The following TBX4 variants were observed in gnomAD, a reference collection of about 807,000 sequenced individuals.
TBX4 encodes T-box transcription factor 4.
Under a neutral mutation model 54.6 loss-of-function variants are expected in TBX4, and 13 were observed. That is an observed-to-expected ratio of 0.24 (90% CI 0.15 to 0.38). The LOEUF (loss-of-function observed/expected upper bound fraction) is 0.38. TBX4 is among the 10% of genes least tolerant of loss of function. The pLI, the probability that TBX4 is intolerant of heterozygous loss-of-function variation, is 1.00. For synonymous variants in TBX4, 314 were observed against 306.7 expected (o/e 1.02, Z -0.25); for missense variants, 631 against 728.5 (o/e 0.87, Z 1.54).
At chr17:61,477,002 C>T (rs911591675) in intron 5 of TBX4, among the ~76,000 whole-genome samples, 4 of 152,258 alleles carry the variant, frequency 2.6e-5, no homozygotes, top group African/African-American at 9.6e-5. Context: ...TCTCTTGGCA[C>T]TCTGGTCACT....
rs2060545848 is a variant in TBX4, at chr17:61,467,630, A to G, written c.522A>G (p.Thr174=). ...TCTCCTTCCAGAAGCTGAAGCTGAC[A>G]AACAACCACCTGGACCCCTTTGGCC... ...QLVSFQKLKL[T]NNHLDPFGHI... Residue 174 remains threonine, a synonymous_variant, in exon 5 of 9, where the codon ACA becomes ACG. Transcript: ENST00000644296. The G allele has an allele frequency of 6.2e-7, 1 of 1,614,080 alleles. No individual in the cohort carries two copies. The highest frequency in any genetic ancestry group is 1.7e-5 in the Admixed American group (1 of 60,002).
rs373034592 is a variant in TBX4, at chr17:61,479,602, G to T, written c.703-279G>T. The stretch of plus-strand genomic sequence containing the variant: ...AGGAGAAAGAATCAGAGGGTGGAGA[G>T]CAAGGAGTAGGGAGCCAGGGACAAA... On this transcript the variant is annotated intron_variant, in intron 6 of 8. Coordinates refer to ENST00000644296, the MANE Select transcript of TBX4 (RefSeq NM_001321120.2). The surrounding 1 kb of genome is among the most constrained non-coding windows in gnomAD (Gnocchi z 6.1). 6.6e-6 allele frequency among the ~76,000 whole-genome samples: 1 copy of T among 152,112 alleles called. No homozygotes were observed.
Position 61,474,848 on chromosome 17 carries a change from G to A in TBX4, c.550-3779G>A, listed in dbSNP as rs1039407347. Among the ~76,000 whole-genome samples the A allele has an allele frequency of 9.2e-5, 14 of 152,194 alleles. No individual in the cohort carries two copies. The highest frequency in any genetic ancestry group is 3.4e-4 in the African/African-American group (14 of 41,444). On this transcript the variant is annotated intron_variant, in intron 5 of 8. Transcript: ENST00000644296. The surrounding 1 kb of genome is among the most constrained non-coding windows in gnomAD (Gnocchi z 4.6). Reference sequence around the variant, plus strand: ...TGGTTTCACATTCTCCCGGCTGATGGGACTAAGGCTCAAGTTTATACTTGT... The same window carrying A: ...TGGTTTCACATTCTCCCGGCTGATGAGACTAAGGCTCAAGTTTATACTTGT...
chr17:61,454,289 C>G (rs2060431917), intron 1 of TBX4, among the ~76,000 whole-genome samples: 1 of 152,254 alleles, frequency 6.6e-6, no homozygotes, highest in South Asian at 2.1e-4. Context: ...AAACATATCC[C>G]CAGTAACCTA....
At position 61,462,628 on chromosome 17, in the gene TBX4, G is replaced by A. The variant is rs2060504688; in HGVS notation, c.282-3191G>A. The stretch of plus-strand genomic sequence containing the variant: ...GGTAGAGCGCAGAGTGCCCGGGACA[G>A]GCGGGCTTCACCGCCAGCGCTGGTG... On this transcript the variant is annotated intron_variant, in intron 3 of 8. Coordinates refer to ENST00000644296, the MANE Select transcript of TBX4 (RefSeq NM_001321120.2). The surrounding 1 kb of genome is among the most constrained non-coding windows in gnomAD (Gnocchi z 4.5). Among the ~76,000 whole-genome samples the A allele has an allele frequency of 6.6e-6, 1 of 152,194 alleles. No individual in the cohort carries two copies. Among genetic ancestry groups the A allele is most frequent in the Non-Finnish European group, 1.5e-5 (1 of 68,024 alleles).
In TBX4 at chr17:61,476,028, G is replaced by A. The variant is rs1777693847; in HGVS notation, c.550-2599G>A. Among the ~76,000 whole-genome samples, 1 of 152,158 alleles carries A rather than the reference G, an allele frequency of 6.6e-6. No individual in the cohort carries two copies. Among genetic ancestry groups the A allele is most frequent in the South Asian group, 2.1e-4 (1 of 4,828 alleles). On this transcript the variant is annotated intron_variant, in intron 5 of 8. Coordinates refer to ENST00000644296, the MANE Select transcript of TBX4 (RefSeq NM_001321120.2). This position sits in a 1 kb window ranked among gnomAD's most constrained non-coding sequence, Gnocchi z 6.5. Reference sequence around the variant, plus strand: ...ACGTTCCCACGGAGGGTTTGTGGTCGTGGCCCAGATCTTCCCACTCTCAAA... The same window carrying A: ...ACGTTCCCACGGAGGGTTTGTGGTCATGGCCCAGATCTTCCCACTCTCAAA...
rs1033870266 is a variant in TBX4 at position 61,459,637 on chromosome 17, C to T, written c.281+2006C>T. On this transcript the variant is annotated intron_variant, in intron 3 of 8. Coordinates refer to ENST00000644296, the MANE Select transcript of TBX4 (RefSeq NM_001321120.2). The surrounding 1 kb of genome is among the most constrained non-coding windows in gnomAD (Gnocchi z 4.8). The stretch of plus-strand genomic sequence containing the variant: ...CCCAACACATACACTTATACACATA[C>T]TTCCATAGGTGGCCAGCTTCAGGCA... Among the ~76,000 whole-genome samples the T allele has an allele frequency of 6.6e-6, 1 of 152,216 alleles. No individual in the cohort carries two copies. The highest frequency in any genetic ancestry group is 2.4e-5 in the African/African-American group (1 of 41,442).
In TBX4 at chr17:61,478,735, C is replaced by A. The variant is rs752732593; in HGVS notation, c.658C>A (p.Pro220Thr). The A allele has an allele frequency of 1.7e-5, 28 of 1,614,184 alleles. No individual in the cohort carries two copies. Among genetic ancestry groups the A allele is most frequent in the Non-Finnish European group, 2.3e-5 (27 of 1,180,032 alleles). ...CACTGCTTTCTGCACCCACGTGTTC[C>A]CAGAGACCTCCTTCATCTCTGTGAC... The part of the protein sequence containing the change: ...KNTAFCTHVF[P>T]ETSFISVTSY... The change falls in exon 6 of 9, where the codon CCA becomes ACA. Residue 220 changes from proline to threonine, a missense_variant. By Grantham distance (38) the Pro-to-Thr change is conservative. Coordinates refer to ENST00000644296, the MANE Select transcript of TBX4 (RefSeq NM_001321120.2). This position sits in a 1 kb window ranked among gnomAD's most constrained non-coding sequence, Gnocchi z 7.4.
In TBX4 at chr17:61,479,977, T is replaced by C. The variant is rs2060651612; in HGVS notation, c.791+8T>C. 1 of 1,613,706 alleles carries C rather than the reference T, an allele frequency of 6.2e-7. No homozygotes were observed. Among genetic ancestry groups the C allele is most frequent in the African/African-American group, 1.3e-5 (1 of 74,822 alleles). ...TGTGGCCCGACTGCAGAGGTGGGGC[T>C]GCGTAGCCTGGGGGTGGGGCGGGCA... is the stretch of plus-strand genomic sequence containing the variant. On this transcript the variant is annotated splice_region_variant and intron_variant, in intron 7 of 8. Transcript: ENST00000644296. This position sits in a 1 kb window ranked among gnomAD's most constrained non-coding sequence, Gnocchi z 6.1.
In TBX4 at chr17:61,461,391, C is replaced by T. The variant is rs2060493247; in HGVS notation, c.281+3760C>T. Among the ~76,000 whole-genome samples the T allele has an allele frequency of 6.6e-6, 1 of 152,172 alleles. No individual in the cohort carries two copies. Among genetic ancestry groups the T allele is most frequent in the Non-Finnish European group, 1.5e-5 (1 of 68,038 alleles). ...TGTAGGTGGCACCAGCAGCCCCACTCCTAACCCCAGCCTTGGATGCTGGGC... is the reference window on the plus strand; with the variant it reads ...TGTAGGTGGCACCAGCAGCCCCACTTCTAACCCCAGCCTTGGATGCTGGGC... On this transcript the variant is annotated intron_variant, in intron 3 of 8. Coordinates refer to ENST00000644296, the MANE Select transcript of TBX4 (RefSeq NM_001321120.2). This position sits in a 1 kb window ranked among gnomAD's most constrained non-coding sequence, Gnocchi z 5.1.
chr17:61,478,650 G>T lies in TBX4; in HGVS notation c.573G>T (p.Lys191Asn), dbSNP rs199562610. ...AGATCATCCTCAACTCTATGCACAA[G>T]TACCAGCCGCGGCTCCACATCGTTA... The part of the protein sequence containing the change: ...FGHIILNSMH[K>N]YQPRLHIVKA... The change falls in exon 6 of 9, where the codon AAG becomes AAT. Residue 191 changes from lysine (K) to asparagine (N), a missense_variant. Physicochemically the swap from Lys to Asn is moderately conservative, Grantham distance 94. This residue lies in a region of TBX4 where 154 missense variants were observed against 238.6 expected (regional missense o/e 0.65). Transcript: ENST00000644296. The surrounding 1 kb of genome is among the most constrained non-coding windows in gnomAD (Gnocchi z 7.4). 7 of 1,614,098 alleles carry T rather than the reference G, an allele frequency of 4.3e-6. No homozygotes were observed. The highest frequency in any genetic ancestry group is 2.2e-5 in the South Asian group (2 of 91,092).
intron 5 of TBX4, among the ~76,000 whole-genome samples, chr17:61,469,413 C>T (rs909144193): frequency 2.6e-5 from 4 of 152,172 alleles, no homozygotes; most frequent in Admixed American, 6.5e-5. Context: ...CTGCATCTGC[C>T]GTGCCTGCCT....
Position 61,483,470 on chromosome 17 carries a change from A to C in TBX4, c.1595A>C (p.Gln532Pro). ...TCCTTGTCCCGAGAATCTTCCTTAC[A>C]GTACCATTCAGGAATGGGGACTGTG... ...TFSLSRESSL[Q>P]YHSGMGTVEN... Residue 532 changes from glutamine (Q) to proline (P), a missense_variant, in exon 9 of 9, where the codon CAG (glutamine) becomes CCG (proline). Coordinates refer to ENST00000644296, the MANE Select transcript of TBX4 (RefSeq NM_001321120.2). The surrounding 1 kb of genome is among the most constrained non-coding windows in gnomAD (Gnocchi z 6.6). The C allele has an allele frequency of 6.2e-7, 1 of 1,614,186 alleles. No homozygotes were observed. Among genetic ancestry groups the C allele is most frequent in the Non-Finnish European group, 8.5e-7 (1 of 1,180,034 alleles).
intron 5 of TBX4, among the ~76,000 whole-genome samples, chr17:61,471,902 T>TA (rs141739150): frequency 0.32 from 45,351 of 139,870 alleles, 7,454 homozygotes; most frequent in African/African-American, 0.38. Flanking sequence ...ATTTTTTTTT[T>TA]TTTTTTTTTT....
Position 61,475,274 on chromosome 17 carries a change from G to A in TBX4, c.550-3353G>A, listed in dbSNP as rs141002715. 3.0e-4 allele frequency among the ~76,000 whole-genome samples: 45 copies of A among 152,296 alleles called. No homozygotes were observed. Among genetic ancestry groups the A allele is most frequent in the African/African-American group, 1.0e-3 (42 of 41,560 alleles). ...GGCCTTTATTCCAAGGGTCAAGAGGGAACAATCAAAGGTGGATTGTGTACA... is the reference window on the plus strand; with the variant it reads ...GGCCTTTATTCCAAGGGTCAAGAGGAAACAATCAAAGGTGGATTGTGTACA... On this transcript the variant is annotated intron_variant, in intron 5 of 8. Coordinates refer to ENST00000644296, the MANE Select transcript of TBX4 (RefSeq NM_001321120.2). This position sits in a 1 kb window ranked among gnomAD's most constrained non-coding sequence, Gnocchi z 5.0.
chr17:61,456,225 C>T (rs2060447739), intron 1 of TBX4, among the ~76,000 whole-genome samples: 1 of 152,220 alleles, frequency 6.6e-6, no homozygotes, highest in Non-Finnish European at 1.5e-5. Flanking sequence ...TCCCCTAGAC[C>T]TACTCATCAC....
Position 61,452,778 on chromosome 17 carries a change from C to T in TBX4, c.-4+201C>T, listed in dbSNP as rs909511745. On this transcript the variant is annotated intron_variant, in intron 1 of 8. Coordinates refer to ENST00000644296, the MANE Select transcript of TBX4 (RefSeq NM_001321120.2). ...CTTGGGTCGGGCCGCCGCCTCGGCC[C>T]GACACCCAGTAGTTGGGGCACGAGC... 2.0e-5 allele frequency among the ~76,000 whole-genome samples: 3 copies of T among 152,284 alleles called. No homozygotes were observed. The South Asian group carries it at 6.2e-4, about 32-fold the overall frequency.
In TBX4 at chr17:61,483,271, C is replaced by T. The variant is rs532216691; in HGVS notation, c.1396C>T (p.Pro466Ser). The T allele has an allele frequency of 4.7e-5, 76 of 1,614,174 alleles. No individual in the cohort carries two copies. The highest frequency in any genetic ancestry group is 2.1e-4 in the South Asian group (19 of 91,078). Residue 466 changes from proline to serine, a missense_variant, in exon 9 of 9, where the codon CCA becomes TCA. Physicochemically the swap from Pro to Ser is moderately conservative, Grantham distance 74 (BLOSUM62 -1). Transcript: ENST00000644296. This position sits in a 1 kb window ranked among gnomAD's most constrained non-coding sequence, Gnocchi z 6.6. ...LPTLSAQSSQ[P>S]PGNAHFSVYN... ...CACCCTCTCCGCTCAGAGCTCCCAG[C>T]CACCAGGAAATGCCCACTTTAGTGT...
chr17:61,452,955 C>T (rs2060424732), intron 1 of TBX4: 1 of 985,288 alleles, frequency 1.0e-6, no homozygotes, highest in Non-Finnish European at 1.2e-6. Context: ...AGGAAGAGGG[C>T]CCCGGTACTG....
Sources: gnomAD v4.1 joint callset for allele counts (sites outside exome capture counted in the v4.1 genomes callset) on GRCh38, gnomAD v4.1.1 for gene constraint, gnomAD v4.1.1 regional missense constraint, Gnocchi (gnomAD v3.1) non-coding constraint, MANE v1.5 for transcripts, NCBI Gene and HGNC (gene_info 2026-07-23, HGNC 2026-07-21) for gene names.